PRKAG2: variants seen among roughly 807,000 people sequenced by gnomAD.
PRKAG2 encodes the protein 5'-AMP-activated protein kinase subunit gamma-2.
PRKAG2 carries 26 observed loss-of-function variants against 69.6 expected under a neutral mutation model. That is an observed-to-expected ratio of 0.37 (90% CI 0.27 to 0.52). PRKAG2 has a LOEUF of 0.52. PRKAG2 is among the 20% of genes least tolerant of loss of function. The pLI is 0.90. For synonymous variants in PRKAG2, 293 were observed against 285.0 expected (o/e 1.03, Z -0.28); for missense variants, 557 against 740.0 (o/e 0.75, Z 2.87).
intron 4 of PRKAG2, among the ~76,000 whole-genome samples, chr7:151,659,089 G>A (rs1389280404): frequency 2.0e-5 from 3 of 152,186 alleles, no homozygotes; most frequent in South Asian, 2.1e-4. Context: ...CTACAGTGCT[G>A]TTTGAACAGA....
chr7:151,629,685 G>C (rs543733509), intron 5 of PRKAG2, among the ~76,000 whole-genome samples: 8 of 152,260 alleles, frequency 5.3e-5, no homozygotes, highest in Admixed American at 5.2e-4. Context: ...TTAGGAAATA[G>C]AAAAATCTTG....
intron 6 of PRKAG2, among the ~76,000 whole-genome samples, chr7:151,592,087 T>C (rs1813310865): frequency 6.6e-6 from 1 of 152,066 alleles, no homozygotes. Context: ...GGACACTGCA[T>C]GGGTACATGA....
rs897929823 is a variant in PRKAG2 at position 151,592,034 on chromosome 7, T to G, written c.864+3311A>C. On this transcript the variant is annotated intron_variant, in intron 6 of 15. Coordinates refer to ENST00000287878, the MANE Select transcript of PRKAG2 (RefSeq NM_016203.4). The stretch of plus-strand genomic sequence containing the variant: ...GCTGAGCATGCACAGCGACCCTCTC[T>G]CGCCAGGCCGAGACGGGGCTCGCCC... Among the ~76,000 whole-genome samples, 3 of 152,160 alleles carry G rather than the reference T, an allele frequency of 2.0e-5. No individual in the cohort carries two copies. In the East Asian group the frequency reaches 5.8e-4, roughly 29 times the overall value.
At position 151,572,652 on chromosome 7, in the gene PRKAG2, AAT is replaced by A. The variant is rs1807856375; in HGVS notation, c.1051+10_1051+11del. On this transcript the variant is annotated intron_variant, in intron 9 of 15. Transcript: ENST00000287878. ...CGATACTAAAAGATTTTAAACATCC[AAT>A]AGTGCTTACCCCTCCATGTTTCAAT... is the stretch of plus-strand genomic sequence containing the variant. The A allele has an allele frequency of 1.3e-6, 2 of 1,589,700 alleles. No individual in the cohort carries two copies. The highest frequency in any genetic ancestry group is 1.3e-5 in the African/African-American group (1 of 74,456).
intron 1 of PRKAG2, among the ~76,000 whole-genome samples, chr7:151,804,857 G>A (rs138171892): frequency 0.01 from 1,545 of 152,306 alleles, 16 homozygotes; most frequent in Non-Finnish European, 0.015. Context: ...TGCGGCTGCT[G>A]TTCATAGAAC....
chr7:151,718,283 G>C (rs1017524267), intron 3 of PRKAG2, among the ~76,000 whole-genome samples: 1 of 152,072 alleles, frequency 6.6e-6, no homozygotes, highest in East Asian at 1.9e-4. Flanking sequence ...GGTGGAGGGG[G>C]GGGTAGAGCT....
At chr7:151,667,030 G>A (rs1831150318) in intron 4 of PRKAG2, among the ~76,000 whole-genome samples, 1 of 152,152 alleles carries the variant, frequency 6.6e-6, no homozygotes, top group Non-Finnish European at 1.5e-5. Context: ...AAAGAGAGCT[G>A]CCTTGCCCAA....
chr7:151,640,370 CG>C (rs1563324507), intron 4 of PRKAG2, among the ~76,000 whole-genome samples: 2 of 152,062 alleles, frequency 1.3e-5, no homozygotes, highest in African/African-American at 2.4e-5. Context: ...CAGTGGCTCT[CG>C]GCAATCTTTA....
In PRKAG2 at chr7:151,780,365, C is replaced by T. The variant is rs2076604232; in HGVS notation, c.466+787G>A. Reference sequence around the variant, plus strand: ...AGCCTGGAGAGAAAGGTGAACTATCCCAGGCCTCTGATGGTCAAGGACAAA... The same window carrying T: ...AGCCTGGAGAGAAAGGTGAACTATCTCAGGCCTCTGATGGTCAAGGACAAA... On this transcript the variant is annotated intron_variant, in intron 3 of 15. Coordinates refer to ENST00000287878, the MANE Select transcript of PRKAG2 (RefSeq NM_016203.4). The surrounding 1 kb of genome is among the most constrained non-coding windows in gnomAD (Gnocchi z 4.2). Among the ~76,000 whole-genome samples, 2 of 152,162 alleles carry T rather than the reference C, an allele frequency of 1.3e-5. No homozygotes were observed. Among genetic ancestry groups the T allele is most frequent in the South Asian group, 4.1e-4 (2 of 4,826 alleles).
rs1262634775 is a variant in PRKAG2 at position 151,850,366 on chromosome 7, C to T, written c.114+26141G>A. On this transcript the variant is annotated intron_variant, in intron 1 of 15. Transcript: ENST00000287878. The surrounding 1 kb of genome is among the most constrained non-coding windows in gnomAD (Gnocchi z 4.1). ...AAATCTGTCTAAGCTCCGAAGTAAC[C>T]CTGCTCAGCTAATAGGTTATTTCCT... 6.6e-6 allele frequency among the ~76,000 whole-genome samples: 1 copy of T among 152,212 alleles called. No homozygotes were observed. The highest frequency in any genetic ancestry group is 2.4e-5 in the African/African-American group (1 of 41,454).
Position 151,780,184 on chromosome 7 carries a change from TGACAGA to T in PRKAG2, c.466+962_466+967del, listed in dbSNP as rs546985191. ...AAGGTGGTGGATGAAGTAGTGAGGC[TGACAGA>T]GACCTGGCTTCTCGTCCTACAGCCA... On this transcript the variant is annotated intron_variant, in intron 3 of 15. Coordinates refer to ENST00000287878, the MANE Select transcript of PRKAG2 (RefSeq NM_016203.4). This position sits in a 1 kb window ranked among gnomAD's most constrained non-coding sequence, Gnocchi z 4.2. Among the ~76,000 whole-genome samples, 522 of 152,366 alleles carry T rather than the reference TGACAGA, an allele frequency of 3.4e-3. 1 individual carries two copies. The highest frequency in any genetic ancestry group is 5.7e-3 in the Non-Finnish European group (389 of 68,038).
At chr7:151,826,348 T>C (rs979558415) in intron 1 of PRKAG2, among the ~76,000 whole-genome samples, 13 of 152,084 alleles carry the variant, frequency 8.5e-5, no homozygotes, top group Admixed American at 7.9e-4. Context: ...GCCTGGCTAA[T>C]TTTTTTGTAT....
intron 3 of PRKAG2, among the ~76,000 whole-genome samples, chr7:151,703,178 T>TTCAAGGC (rs1314342978): frequency 6.6e-6 from 1 of 152,074 alleles, no homozygotes; most frequent in African/African-American, 2.4e-5. Context: ...TCTGACTCAC[T>TTCAAGGC]CATCAGCGCG....
At chr7:151,839,421 T>G (rs2079224954) in intron 1 of PRKAG2, among the ~76,000 whole-genome samples, 1 of 152,166 alleles carries the variant, frequency 6.6e-6, no homozygotes, top group Non-Finnish European at 1.5e-5. Context: ...TAGGCCTCAG[T>G]TTCCCCACCT....
chr7:151,851,283 A>T (rs2079561021), intron 1 of PRKAG2, among the ~76,000 whole-genome samples: 1 of 151,232 alleles, frequency 6.6e-6, no homozygotes, highest in South Asian at 2.1e-4. Context: ...AGCTCACTGG[A>T]GCATTTTGCT....
rs1046548862 is a variant in PRKAG2, at chr7:151,781,695, TCCAGGAGGTAGAGGGG to T, written c.187-280_187-265del. On this transcript the variant is annotated intron_variant, in intron 2 of 15. Transcript: ENST00000287878. This position sits in a 1 kb window ranked among gnomAD's most constrained non-coding sequence, Gnocchi z 6.1. ...CCTGTCCCACTCCTTAGAAGGGGCT[TCCAGGAGGTAGAGGGG>T]AGGAAGGGAAGCGGAGCTCAAAATG... 1.3e-5 allele frequency among the ~76,000 whole-genome samples: 2 copies of T among 152,168 alleles called. No homozygotes were observed. Among genetic ancestry groups the T allele is most frequent in the African/African-American group, 4.8e-5 (2 of 41,442 alleles).
At chr7:151,695,123 G>A (rs545729586) in intron 3 of PRKAG2, among the ~76,000 whole-genome samples, 1 of 152,318 alleles carries the variant, frequency 6.6e-6, no homozygotes, top group East Asian at 1.9e-4. Context: ...GCCTGGTGGG[G>A]CTGCCCAGTG....
chr7:151,736,383 CTTT>C (rs34632609), intron 3 of PRKAG2: 309,039 of 900,228 alleles, frequency 0.34, 11,699 homozygotes, highest in Admixed American at 0.37. Context: ...CTCTCCAGGG[CTTT>C]TTTTTTTTTT....
At chr7:151,873,490 T>A (rs1443038851) in intron 1 of PRKAG2, among the ~76,000 whole-genome samples, 1 of 152,184 alleles carries the variant, frequency 6.6e-6, no homozygotes, top group Non-Finnish European at 1.5e-5. Flanking sequence ...GTAATGACCA[T>A]TAGGCAGATG....
Sources: gnomAD v4.1 joint callset for allele counts (sites outside exome capture counted in the v4.1 genomes callset) on GRCh38, gnomAD v4.1.1 for gene constraint, Gnocchi (gnomAD v3.1) non-coding constraint, MANE v1.5 for transcripts, NCBI Gene and HGNC (gene_info 2026-07-23, HGNC 2026-07-21) for gene names.